Variants in TMEM221 observed in about 807,000 individuals in gnomAD.
TMEM221 encodes the protein transmembrane protein 221.
In TMEM221, 11 loss-of-function variants were observed where a neutral mutation model predicts 10.2. The ratio of observed to expected loss-of-function variants is 1.08; its 90% confidence interval spans 0.68 to 1.79. The LOEUF (loss-of-function observed/expected upper bound fraction) is 1.79. Among genes scored for constraint, TMEM221 ranks in the 40% most tolerant of loss-of-function variants. TMEM221 has a pLI of 0.00. For synonymous variants in TMEM221, 172 were observed against 199.8 expected (o/e 0.86, Z 1.18); for missense variants, 382 against 417.7 (o/e 0.91, Z 0.75).
At position 17,436,046 on chromosome 19, in the gene TMEM221, G is replaced by A. The variant is rs1035872; in HGVS notation, c.*412C>T. On this transcript the variant is annotated 3_prime_UTR_variant, in exon 3 of 3. Transcript: ENST00000341130. ...TTGGGGCCTCCGTTTCCTCATCTGT[G>A]AAATGGATGGAGACACTTAGAGAAT... 110,868 of 157,960 alleles carry A rather than the reference G, an allele frequency of 0.7. 39,480 individuals are homozygous for A. The highest frequency in any genetic ancestry group is 0.75 in the Non-Finnish European group (54,340 of 72,228). 9.8% of individuals were successfully genotyped at this position (157,960 alleles called of 1,614,324 possible). A position where few individuals can be genotyped will look rare whatever the true frequency, so the allele number is the denominator to read the frequency against.
At chr19:17,438,027 C>A (rs62125234) in intron 2 of TMEM221, among the ~76,000 whole-genome samples, 49,892 of 149,446 alleles carry the variant, frequency 0.33, 8,746 homozygotes, top group South Asian at 0.39. Context: ...TCAGGTGATT[C>A]TCCCACCTCA....
At chr19:17,446,342 A>G (rs750922023) in intron 1 of TMEM221, among the ~76,000 whole-genome samples, 12 of 152,170 alleles carry the variant, frequency 7.9e-5, no homozygotes, top group Admixed American at 2.0e-4. Context: ...GATACTTGCT[A>G]CACACCTGGC....
intron 1 of TMEM221, among the ~76,000 whole-genome samples, chr19:17,445,985 A>G (rs1382154162): frequency 2.0e-5 from 3 of 151,888 alleles, no homozygotes; most frequent in Admixed American, 2.0e-4. Flanking sequence ...CCATTTTTCC[A>G]AGTCAGTGTC....
In TMEM221 at chr19:17,448,140, T is replaced by C. The variant is rs2074959592; in HGVS notation, c.320+3A>G. 2.9e-6 allele frequency: 4 copies of C among 1,386,246 alleles called. No homozygotes were observed. The highest frequency in any genetic ancestry group is 2.2e-4 in the Middle Eastern group (1 of 4,592). 85.9% of individuals were successfully genotyped at this position (1,386,246 alleles called of 1,614,324 possible). ...TCCGAGGCGGTGAGGCCAGTCCTCC[T>C]ACCTCCTGGGGCCAGGCCCCCGCGC... is the stretch of plus-strand genomic sequence containing the variant. On this transcript the variant is annotated splice_donor_region_variant and intron_variant, in intron 1 of 2. Transcript: ENST00000341130. The surrounding 1 kb of genome is among the most constrained non-coding windows in gnomAD (Gnocchi z 4.7).
Position 17,436,396 on chromosome 19 carries a change from AC to A in TMEM221, c.*61del. The A allele has an allele frequency of 7.2e-7, 1 of 1,391,642 alleles. No individual in the cohort carries two copies. Among genetic ancestry groups the A allele is most frequent in the Non-Finnish European group, 9.4e-7 (1 of 1,063,428 alleles). 86.2% of individuals were successfully genotyped at this position (1,391,642 alleles called of 1,614,324 possible). ...CAAGTCCTACTGCTACTGCAGCTGA[AC>A]CCGAACCTATCTCTATGGTATCCTT... On this transcript the variant is annotated 3_prime_UTR_variant, in exon 3 of 3. Transcript: ENST00000341130.
At chr19:17,436,988 G>A (rs2074912370) in intron 2 of TMEM221, 61 bp from the exon 3 acceptor site, 3 of 1,283,428 alleles carry the variant, frequency 2.3e-6, no homozygotes, top group Non-Finnish European at 1.0e-6. Flanking sequence ...CAAGCCCTCA[G>A]GGAGTTCTTG....
chr19:17,443,278 A>G (rs1306062591), intron 2 of TMEM221, among the ~76,000 whole-genome samples: 1 of 151,398 alleles, frequency 6.6e-6, no homozygotes, highest in Non-Finnish European at 1.5e-5. Context: ...GAGACTCCGC[A>G]TCAAAAAAAA....
chr19:17,448,557 T>C lies in TMEM221; in HGVS notation c.-95A>G. 2.1e-5 allele frequency: 15 copies of C among 705,666 alleles called. No homozygotes were observed. The highest frequency in any genetic ancestry group is 5.2e-5 in the Admixed American group (1 of 19,364). The allele number at this position is 705,666 out of a possible 1,614,324, so 43.7% of individuals were successfully genotyped here. On this transcript the variant is annotated 5_prime_UTR_variant, in exon 1 of 3. Transcript: ENST00000341130. The surrounding 1 kb of genome is among the most constrained non-coding windows in gnomAD (Gnocchi z 4.7). ...GGGGAATCCGAGGGTCCTCAGGGGG[T>C]CCCCGAGGGGGCGGGGCCGCAGGGA...
rs2074906787 is a variant in TMEM221, at chr19:17,436,060, C to T, written c.*398G>A. On this transcript the variant is annotated 3_prime_UTR_variant, in exon 3 of 3. Transcript: ENST00000341130. The stretch of plus-strand genomic sequence containing the variant: ...TCCTCATCTGTGAAATGGATGGAGA[C>T]ACTTAGAGAATCACTGCCTAAGCCC... 6.1e-6 allele frequency: 1 copy of T among 164,050 alleles called. No homozygotes were observed. Among genetic ancestry groups the T allele is most frequent in the Non-Finnish European group, 1.3e-5 (1 of 76,304 alleles). 10.2% of individuals were successfully genotyped at this position (164,050 alleles called of 1,614,324 possible). A position where few individuals can be genotyped will look rare whatever the true frequency, so the allele number is the denominator to read the frequency against.
rs1434471089 is a variant in TMEM221 at position 17,436,605 on chromosome 19, C to G, written c.729G>C (p.Glu243Asp). ...CAGGCAGGCTGCTCTCCCAGCCTCC[C>G]TCCAGGGCTGCAGGTGCTGTGGCAG... ...MATATAPAAL[E>D]GGWESSLPAS... is the part of the protein sequence containing the mutation. The change falls in exon 3 of 3, where the codon GAG becomes GAC. Residue 243 changes from glutamate (E) to aspartate (D), a missense_variant. By Grantham distance (45) the Glu-to-Asp change is conservative. Coordinates refer to ENST00000341130, the MANE Select transcript of TMEM221 (RefSeq NM_001190844.2). The G allele has an allele frequency of 1.3e-6, 2 of 1,536,020 alleles. No homozygotes were observed. Among genetic ancestry groups the G allele is most frequent in the African/African-American group, 2.7e-5 (2 of 73,056 alleles).
At chr19:17,437,372 A>G (rs1222668576) in intron 2 of TMEM221, among the ~76,000 whole-genome samples, 1 of 152,208 alleles carries the variant, frequency 6.6e-6, no homozygotes, top group East Asian at 1.9e-4. Flanking sequence ...CTGCAGGGAC[A>G]TGGCAAGTGC....
chr19:17,440,192 A>C (rs1746318765), intron 2 of TMEM221, among the ~76,000 whole-genome samples: 1 of 151,728 alleles, frequency 6.6e-6, no homozygotes, highest in Admixed American at 6.6e-5. Context: ...GTCTCAAAAA[A>C]TGGAAATAAA....
intron 2 of TMEM221, among the ~76,000 whole-genome samples, chr19:17,443,561 C>G (rs1380753446): frequency 6.6e-6 from 1 of 151,856 alleles, no homozygotes; most frequent in Non-Finnish European, 1.5e-5. Flanking sequence ...GTCTTGAACT[C>G]CTACCCTCAA....
At chr19:17,447,354 T>C (rs2074956862) in intron 1 of TMEM221, among the ~76,000 whole-genome samples, 1 of 152,150 alleles carries the variant, frequency 6.6e-6, no homozygotes, top group African/African-American at 2.4e-5. Context: ...TGTGACCCCA[T>C]GAGAGCAGGT....
chr19:17,444,579 A>C (rs12984007), intron 2 of TMEM221, among the ~76,000 whole-genome samples: 40,030 of 130,792 alleles, frequency 0.31, 6,893 homozygotes, highest in Middle Eastern at 0.4. Context: ...GCTGGAGTGC[A>C]GTGCAGTGGG....
chr19:17,442,461 A>G (rs539702234), intron 2 of TMEM221, among the ~76,000 whole-genome samples: 2 of 131,596 alleles, frequency 1.5e-5, no homozygotes, highest in Admixed American at 8.0e-5. Flanking sequence ...TTTTTTTTAG[A>G]TGGCATCTCA....
At chr19:17,444,518 CTTTT>C (rs71162133) in intron 2 of TMEM221, among the ~76,000 whole-genome samples, 3 of 92,170 alleles carry the variant, frequency 3.3e-5, no homozygotes, top group Non-Finnish European at 5.7e-5. Context: ...CATCCACGGG[CTTTT>C]TTTTTTTTTT....
At position 17,445,180 on chromosome 19, in the gene TMEM221, G is replaced by A. The variant is rs988124581; in HGVS notation, c.406+19C>T. On this transcript the variant is annotated intron_variant, in intron 2 of 2. Transcript: ENST00000341130. ...CCCAGCCCAGGGTCCCATGCCCCAC[G>A]TTCTATTCCAGCACACACCTGCTAA... The A allele has an allele frequency of 9.7e-5, 148 of 1,532,068 alleles. No homozygotes were observed. The East Asian group carries it at 3.4e-3, about 35-fold the overall frequency. The allele number at this position is 1,532,068 out of a possible 1,614,324, so 94.9% of individuals were successfully genotyped here.
intron 2 of TMEM221, among the ~76,000 whole-genome samples, chr19:17,437,985 TA>T (rs778337231): frequency 7.3e-5 from 11 of 151,150 alleles, no homozygotes; most frequent in Non-Finnish European, 1.5e-4. Flanking sequence ...GTGGCTCGGC[TA>T]CAGCTCACTG....
Sources: gnomAD v4.1 joint callset for allele counts (sites outside exome capture counted in the v4.1 genomes callset) on GRCh38, gnomAD v4.1.1 for gene constraint, Gnocchi (gnomAD v3.1) non-coding constraint, MANE v1.5 for transcripts, NCBI Gene and HGNC (gene_info 2026-07-23, HGNC 2026-07-21) for gene names.